CIRSR: variants seen among roughly 807,000 people sequenced by gnomAD.
The protein encoded by CIRSR is CBF1 (RBPJ) interacting corepressor 1.
chr2:174,350,557 T>C, the CIRSR span: 4 of 587,030 alleles, frequency 6.8e-6, no homozygotes, highest in East Asian at 3.1e-5. Flanking sequence ...ATGTGATGCA[T>C]GGTATAAGGA....
At chr2:174,370,068 G>A in the CIRSR span, 1 of 1,351,518 alleles carries the variant, frequency 7.4e-7, no homozygotes, top group African/African-American at 1.5e-5. Context: ...CTGCATTAGA[G>A]TTTCAGGGCT....
chr2:174,380,100 C>A, the CIRSR span: 11 of 698,846 alleles, frequency 1.6e-5, no homozygotes, highest in East Asian at 3.1e-4. Context: ...CAAATAAAAA[C>A]CATAGTGCCC....
chr2:174,369,253 T>C, the CIRSR span, among the ~76,000 whole-genome samples: 1 of 152,236 alleles, frequency 6.6e-6, no homozygotes, highest in Admixed American at 6.5e-5. Context: ...CCCTTAAACC[T>C]TATGAATCAA....
the CIRSR span, among the ~76,000 whole-genome samples, chr2:174,349,611 C>T: frequency 1.4e-5 from 2 of 147,718 alleles, no homozygotes; most frequent in Non-Finnish European, 3.0e-5. Flanking sequence ...TATATGAACG[C>T]ATTGTTTACT....
At chr2:174,360,017 A>G in the CIRSR span, among the ~76,000 whole-genome samples, 1 of 152,154 alleles carries the variant, frequency 6.6e-6, no homozygotes, top group African/African-American at 2.4e-5. Context: ...CAATGAGAAC[A>G]CTCGGACACA....
the CIRSR span, among the ~76,000 whole-genome samples, chr2:174,357,814 T>G: frequency 1.3e-5 from 2 of 152,328 alleles, no homozygotes; most frequent in South Asian, 4.1e-4. Context: ...AGTAGGAACA[T>G]GCAGCATAAC....
At chr2:174,389,523 A>C in the CIRSR span, among the ~76,000 whole-genome samples, 1 of 152,188 alleles carries the variant, frequency 6.6e-6, no homozygotes, top group Admixed American at 6.5e-5. Flanking sequence ...GAAGCACAGC[A>C]TAAAATTCTG....
the CIRSR span, among the ~76,000 whole-genome samples, chr2:174,391,596 T>A: frequency 6.6e-6 from 1 of 151,532 alleles, no homozygotes; most frequent in South Asian, 2.1e-4. Flanking sequence ...TCTCAAAAAA[T>A]AAATAAATAA....
chr2:174,379,716 CTTTTTTT>C, the CIRSR span, among the ~76,000 whole-genome samples: 10 of 83,760 alleles, frequency 1.2e-4, no homozygotes, highest in South Asian at 5.1e-3. Flanking sequence ...TGATTCCTGT[CTTTTTTT>C]TTTTTTTTTT....
At chr2:174,394,824 AC>A in the CIRSR span, among the ~76,000 whole-genome samples, 2 of 152,212 alleles carry the variant, frequency 1.3e-5, no homozygotes, top group African/African-American at 4.8e-5. Context: ...TGTAGTGGAC[AC>A]AGTGATAGAT....
the CIRSR span, among the ~76,000 whole-genome samples, chr2:174,377,426 T>C: frequency 5.4e-3 from 816 of 152,304 alleles, 9 homozygotes; most frequent in African/African-American, 0.019. Context: ...TGGGATGTTC[T>C]TTTGTCAGAG....
chr2:174,359,334 TAAA>T, the CIRSR span, among the ~76,000 whole-genome samples: 8,694 of 136,652 alleles, frequency 0.064, 800 homozygotes, highest in African/African-American at 0.21. Context: ...GCATTTTACT[TAAA>T]AAAAAAAAAA....
the CIRSR span, among the ~76,000 whole-genome samples, chr2:174,365,239 C>T: frequency 6.6e-6 from 1 of 152,128 alleles, no homozygotes; most frequent in Non-Finnish European, 1.5e-5. Context: ...TGCTCAGTTC[C>T]CAAGTTCCTC....
the CIRSR span, among the ~76,000 whole-genome samples, chr2:174,392,366 T>C: frequency 6.6e-6 from 1 of 152,224 alleles, no homozygotes; most frequent in Non-Finnish European, 1.5e-5. Context: ...ACTCCATGAA[T>C]ACATTTTAAA....
the CIRSR span, among the ~76,000 whole-genome samples, chr2:174,358,969 C>T: frequency 6.6e-6 from 1 of 152,226 alleles, no homozygotes; most frequent in Non-Finnish European, 1.5e-5. Flanking sequence ...GCTGGGATTA[C>T]AGGCGTGGGC....
the CIRSR span, chr2:174,381,817 C>CAA: frequency 1.2e-4 from 126 of 1,055,826 alleles, no homozygotes; most frequent in South Asian, 3.2e-4. Context: ...TTATGTAGGA[C>CAA]AAAAAAAAAA....
chr2:174,360,408 T>G, the CIRSR span, among the ~76,000 whole-genome samples: 2 of 152,226 alleles, frequency 1.3e-5, no homozygotes, highest in African/African-American at 4.8e-5. Flanking sequence ...TAGCAAAGCC[T>G]TTCCATTCAC....
the CIRSR span, among the ~76,000 whole-genome samples, chr2:174,391,609 A>C: frequency 1.3e-5 from 2 of 152,074 alleles, no homozygotes; most frequent in African/African-American, 4.8e-5. Context: ...ATAAATAAAT[A>C]AATCTGAGGT....
chr2:174,349,393 C>T, the CIRSR span, among the ~76,000 whole-genome samples: 1 of 151,798 alleles, frequency 6.6e-6, no homozygotes, highest in African/African-American at 2.4e-5. Flanking sequence ...GGTGAAACCC[C>T]ATCTCTAGTA....
Sources: allele counts gnomAD v4.1 joint callset (sites outside exome capture counted in the v4.1 genomes callset), GRCh38; gene constraint gnomAD v4.1.1; transcripts MANE v1.5; gene names NCBI Gene and HGNC (gene_info 2026-07-23, HGNC 2026-07-21).